DENND1A: variants seen among roughly 807,000 people sequenced by gnomAD.
DENND1A encodes the protein DENN domain-containing protein 1A.
DENND1A carries 51 observed loss-of-function variants against 113.7 expected under a neutral mutation model. The observed-to-expected ratio is 0.45, with a 90% CI of 0.36 to 0.57. The LOEUF (loss-of-function observed/expected upper bound fraction) is 0.57, where lower values mean the gene tolerates loss of function less well. Among genes scored for constraint, DENND1A ranks in the 20% least tolerant of loss-of-function variants. The pLI is 0.00. For synonymous variants in DENND1A, 565 were observed against 570.8 expected (o/e 0.99, Z 0.14); for missense variants, 1,258 against 1,395.9 (o/e 0.90, Z 1.57).
intron 9 of DENND1A, among the ~76,000 whole-genome samples, chr9:123,645,171 A>G (rs943376102): frequency 6.6e-6 from 1 of 152,232 alleles, no homozygotes; most frequent in African/African-American, 2.4e-5. Context: ...AATGCATATT[A>G]CCTGCCTCTG....
intron 5 of DENND1A, among the ~76,000 whole-genome samples, chr9:123,732,187 T>C (rs952524787): frequency 2.0e-5 from 3 of 152,210 alleles, no homozygotes; most frequent in African/African-American, 7.2e-5. Context: ...ATTCCACTCT[T>C]AGGTATTCGT....
chr9:123,459,975 A>G (rs1564529027), intron 13 of DENND1A, among the ~76,000 whole-genome samples: 2 of 152,218 alleles, frequency 1.3e-5, no homozygotes, highest in African/African-American at 4.8e-5. Context: ...AGCTTATATG[A>G]GCATCTAAAA....
intron 22 of DENND1A, 40 bp downstream of exon 22, chr9:123,387,690 C>A (rs1206687074): frequency 3.1e-6 from 4 of 1,286,598 alleles, no homozygotes; most frequent in Admixed American, 4.6e-5. Flanking sequence ...CGCAGAGTCA[C>A]CAAGCCGAGC....
intron 12 of DENND1A, among the ~76,000 whole-genome samples, chr9:123,570,883 G>A (rs1007661183): frequency 4.6e-5 from 7 of 152,150 alleles, no homozygotes; most frequent in African/African-American, 9.7e-5. Flanking sequence ...GAAATATGGC[G>A]TGGAGAAGGC....
chr9:123,902,446 G>A (rs918010348), intron 1 of DENND1A, among the ~76,000 whole-genome samples: 1 of 152,160 alleles, frequency 6.6e-6, no homozygotes, highest in African/African-American at 2.4e-5. Context: ...TAGGAACAAT[G>A]AACATAAACC....
intron 4 of DENND1A, among the ~76,000 whole-genome samples, chr9:123,765,378 C>A (rs1223016689): frequency 1.3e-5 from 2 of 152,082 alleles, no homozygotes; most frequent in African/African-American, 2.4e-5. Context: ...AATTTGTAAT[C>A]TTTTATTACA....
chr9:123,769,426 CAG>C, intron 4 of DENND1A, 86 bp downstream of exon 4: 1 of 1,186,306 alleles, frequency 8.4e-7, no homozygotes, highest in Non-Finnish European at 1.2e-6. Flanking sequence ...GTTAAACAGA[CAG>C]AATGTTAAGA....
At chr9:123,803,490 C>T (rs1835036519) in intron 2 of DENND1A, among the ~76,000 whole-genome samples, 1 of 152,118 alleles carries the variant, frequency 6.6e-6, no homozygotes, top group Non-Finnish European at 1.5e-5. Flanking sequence ...ACAGAGGAAT[C>T]AGAAGAGAAC....
Position 123,382,252 on chromosome 9 carries a change from C to T in DENND1A, c.2393G>A (p.Arg798Gln), listed in dbSNP as rs770939915. 12 of 1,610,078 alleles carry T rather than the reference C, an allele frequency of 7.5e-6. No homozygotes were observed. Among genetic ancestry groups the T allele is most frequent in the South Asian group, 3.3e-5 (3 of 90,938 alleles). The stretch of plus-strand genomic sequence containing the variant: ...TCGCCTGTCCCGATCCGTCTGCAGC[C>T]GCTCTGAGACGTCACCAAGTGCGGC... ...AGAALGDVSE[R>Q]LQTDRDRRAA... The change falls in exon 24 of 24, where the codon CGG becomes CAG. Residue 798 changes from arginine (R) to glutamine (Q), a missense_variant. Transcript: ENST00000394215.
chr9:123,614,730 A>G (rs2060568369), intron 10 of DENND1A, among the ~76,000 whole-genome samples: 1 of 152,168 alleles, frequency 6.6e-6, no homozygotes, highest in African/African-American at 2.4e-5. Context: ...AGGGATTTGG[A>G]AAGATCACTG....
chr9:123,450,328 C>T (rs572651477), intron 18 of DENND1A, among the ~76,000 whole-genome samples: 1 of 152,334 alleles, frequency 6.6e-6, no homozygotes, highest in East Asian at 1.9e-4. Context: ...GTTTTGGTTA[C>T]AACCGGCCCT....
intron 21 of DENND1A, among the ~76,000 whole-genome samples, chr9:123,402,185 G>C (rs1459005615): frequency 1.3e-5 from 2 of 152,138 alleles, no homozygotes; most frequent in African/African-American, 2.4e-5. Flanking sequence ...CCAGCTTCAG[G>C]AGTCCTCTCT....
intron 1 of DENND1A, among the ~76,000 whole-genome samples, chr9:123,879,874 C>G (rs1327570991): frequency 6.6e-6 from 1 of 152,186 alleles, no homozygotes; most frequent in Non-Finnish European, 1.5e-5. Flanking sequence ...AGACACTGTT[C>G]CCACATAGCT....
intron 2 of DENND1A, among the ~76,000 whole-genome samples, chr9:123,817,483 C>T (rs1188320998): frequency 1.3e-5 from 2 of 152,174 alleles, no homozygotes; most frequent in African/African-American, 4.8e-5. Flanking sequence ...AGAATTTTTA[C>T]ATGCAAATGA....
chr9:123,785,344 G>A (rs1007772353), intron 3 of DENND1A, among the ~76,000 whole-genome samples: 5 of 152,032 alleles, frequency 3.3e-5, no homozygotes, highest in Admixed American at 2.0e-4. Context: ...AGACTGAGAT[G>A]AGACCCCAAC....
At chr9:123,646,617 T>A (rs1272853048) in intron 9 of DENND1A, among the ~76,000 whole-genome samples, 2 of 152,048 alleles carry the variant, frequency 1.3e-5, no homozygotes, top group African/African-American at 4.8e-5. Context: ...CACTCTCCAC[T>A]CCCCATCCGC....
chr9:123,733,227 C>T (rs946892089), intron 5 of DENND1A, among the ~76,000 whole-genome samples: 8 of 151,654 alleles, frequency 5.3e-5, no homozygotes, highest in South Asian at 2.1e-4. Context: ...GTGACCTGCC[C>T]GCCTCAGCCT....
intron 2 of DENND1A, among the ~76,000 whole-genome samples, chr9:123,859,655 A>C (rs1844775984): frequency 6.6e-6 from 1 of 152,140 alleles, no homozygotes; most frequent in South Asian, 2.1e-4. Context: ...ATAAAAGAAC[A>C]TGGGAATGCT....
At chr9:123,534,905 C>G (rs1234838513) in intron 13 of DENND1A, among the ~76,000 whole-genome samples, 1 of 151,802 alleles carries the variant, frequency 6.6e-6, no homozygotes, top group Non-Finnish European at 1.5e-5. Context: ...GGCTTTTTTC[C>G]CCCCCTTCAC....
Sources: gnomAD v4.1 joint callset for allele counts (sites outside exome capture counted in the v4.1 genomes callset) on GRCh38, gnomAD v4.1.1 for gene constraint, MANE v1.5 for transcripts, NCBI Gene and HGNC (gene_info 2026-07-23, HGNC 2026-07-21) for gene names.